PRKCA: variants seen among roughly 807,000 people sequenced by gnomAD.
The protein encoded by PRKCA is protein kinase C alpha type.
Under a neutral mutation model 87.0 loss-of-function variants are expected in PRKCA, and 27 were observed. The ratio of observed to expected loss-of-function variants is 0.31; its 90% CI spans 0.23 to 0.43. The LOEUF (loss-of-function observed/expected upper bound fraction) is 0.43. Ranked by LOEUF, PRKCA falls within the 20% of genes least tolerant of loss-of-function variation. The probability of loss-of-function intolerance (pLI) is 1.00; values close to 1 mark genes in which losing one functional copy is unlikely to be tolerated. For missense variants in PRKCA, 518 were observed against 852.3 expected (o/e 0.61, Z 4.88); for synonymous variants, 329 against 311.1 (o/e 1.06, Z -0.61).
rs150060297 is a variant in PRKCA, at chr17:66,458,358, A to G, written c.206-37843A>G. On this transcript the variant is annotated intron_variant, in intron 2 of 16. Transcript: ENST00000413366. ...AAAAGTCTACAGCTTCCTGGAACAC[A>G]GCCTAGACGCTGGAGTTAAACAAAA... Among the ~76,000 whole-genome samples, 34 of 152,310 alleles carry G rather than the reference A, an allele frequency of 2.2e-4. No individual in the cohort carries two copies. In the East Asian group the frequency reaches 6.2e-3, roughly 28 times the overall value.
At chr17:66,454,040 C>G (rs1423653905) in intron 2 of PRKCA, among the ~76,000 whole-genome samples, 2 of 152,194 alleles carry the variant, frequency 1.3e-5, no homozygotes, top group African/African-American at 4.8e-5. Context: ...TGTCTGGCTT[C>G]TTTCTGAAAA....
At chr17:66,454,089 A>C (rs929088453) in intron 2 of PRKCA, among the ~76,000 whole-genome samples, 2 of 152,218 alleles carry the variant, frequency 1.3e-5, no homozygotes, top group Admixed American at 1.3e-4. Context: ...TTGTGATTTT[A>C]GCAGAATTAA....
At chr17:66,759,906 G>A (rs1009300704) in intron 13 of PRKCA, among the ~76,000 whole-genome samples, 19 of 152,228 alleles carry the variant, frequency 1.2e-4, no homozygotes, top group African/African-American at 4.3e-4. Context: ...GCGTCTGACA[G>A]CAGAGCATTG....
At chr17:66,773,943 T>C (rs1974993141) in intron 13 of PRKCA, 44 bp from the exon 14 acceptor site, 8 of 1,612,528 alleles carry the variant, frequency 5.0e-6, no homozygotes, top group African/African-American at 1.3e-5. Flanking sequence ...ACAGGGGCTA[T>C]TGGACTTACC....
intron 2 of PRKCA, among the ~76,000 whole-genome samples, chr17:66,369,268 C>A: frequency 6.6e-6 from 1 of 152,128 alleles, no homozygotes; most frequent in Non-Finnish European, 1.5e-5. Context: ...TGGTGACTAC[C>A]CCAGCCTAAT....
At chr17:66,357,945 G>GAACTTGGAAGCAGAGA (rs150517155) in intron 2 of PRKCA, among the ~76,000 whole-genome samples, 1,749 of 152,218 alleles carry the variant, frequency 0.011, 34 homozygotes, top group African/African-American at 0.04. Flanking sequence ...TCTTTCTGGT[G>GAACTTGGAAGCAGAGA]AACTTGGAAG....
intron 5 of PRKCA, among the ~76,000 whole-genome samples, chr17:66,681,277 G>C (rs943795530): frequency 2.6e-5 from 4 of 152,138 alleles, no homozygotes; most frequent in African/African-American, 9.7e-5. Flanking sequence ...GGATTGCATT[G>C]ATCTGTTGGA....
intron 13 of PRKCA, among the ~76,000 whole-genome samples, chr17:66,765,389 C>A (rs781388070): frequency 8.6e-6 from 1 of 116,150 alleles, no homozygotes. Context: ...TCACTGCATT[C>A]CGGCCTGGTC....
chr17:66,381,497 G>A (rs932787168), intron 2 of PRKCA, among the ~76,000 whole-genome samples: 3 of 152,170 alleles, frequency 2.0e-5, no homozygotes, highest in Non-Finnish European at 4.4e-5. Flanking sequence ...GCATGAGAGG[G>A]AGGGCCATGA....
rs1366724583 is a variant in PRKCA, at chr17:66,792,174, T to G, written c.1854+3195T>G. On this transcript the variant is annotated intron_variant, in intron 16 of 16. Transcript: ENST00000413366. The surrounding 1 kb of genome is among the most constrained non-coding windows in gnomAD (Gnocchi z 4.5). ...TTTTTAGCAAGCGCTGGTGAGTCAGTTTCCCTGAGACTTGCAGGCTTAAGG... is the reference window on the plus strand; with the variant it reads ...TTTTTAGCAAGCGCTGGTGAGTCAGGTTCCCTGAGACTTGCAGGCTTAAGG... Among the ~76,000 whole-genome samples the G allele has an allele frequency of 1.3e-5, 2 of 152,124 alleles. No individual in the cohort carries two copies. Among genetic ancestry groups the G allele is most frequent in the East Asian group, 3.9e-4 (2 of 5,172 alleles).
chr17:66,324,447 C>CAA (rs61047065), intron 2 of PRKCA, among the ~76,000 whole-genome samples: 16,104 of 90,474 alleles, frequency 0.18, 1,279 homozygotes, highest in South Asian at 0.29. Context: ...ACTAAAAATA[C>CAA]AAAAAAAAAA....
rs546347962 is a variant in PRKCA, at chr17:66,704,170, A to C, written c.918+15123A>C. On this transcript the variant is annotated intron_variant, in intron 8 of 16. Transcript: ENST00000413366. ...AATCTCAGCAAAGTTAAAAAAAAAA[A>C]AAAAACAGGAATAGGTTAAGTTCAG... Among the ~76,000 whole-genome samples the C allele has an allele frequency of 5.9e-5, 9 of 152,272 alleles. 1 individual carries two copies. The South Asian group carries it at 1.5e-3, about 25-fold the overall frequency.
chr17:66,778,126 A>G (rs1471986264), intron 14 of PRKCA: 1 of 985,214 alleles, frequency 1.0e-6, no homozygotes, highest in East Asian at 1.1e-4. Flanking sequence ...AGTTCTGCAA[A>G]CTTTCTGGCC....
At chr17:66,554,626 G>A (rs1343942140) in intron 3 of PRKCA, 1 of 770,294 alleles carries the variant, frequency 1.3e-6, no homozygotes, top group African/African-American at 1.9e-5. Flanking sequence ...TTTTGGTGGG[G>A]GGCACTAGCA....
chr17:66,562,129 TAATTAAATTATATATATA>T (rs1209560556), intron 3 of PRKCA, among the ~76,000 whole-genome samples: 1 of 34,954 alleles, frequency 2.9e-5, no homozygotes, highest in Non-Finnish European at 4.7e-5. Context: ...TAAATATATA[TAATTAAATTATATATATA>T]ATTAAATTAT....
intron 1 of PRKCA, among the ~76,000 whole-genome samples, chr17:66,305,452 G>A (rs1456763159): frequency 2.0e-5 from 3 of 152,162 alleles, no homozygotes; most frequent in Non-Finnish European, 4.4e-5. Flanking sequence ...TGCTTACAGA[G>A]TAAATTCTCT....
chr17:66,720,193 G>A (rs758120544), intron 8 of PRKCA, among the ~76,000 whole-genome samples: 11 of 152,234 alleles, frequency 7.2e-5, no homozygotes, highest in Non-Finnish European at 1.2e-4. Context: ...GAGCCTCGGG[G>A]CTAAAGCATC....
At chr17:66,680,563 G>A (rs1972461700) in intron 5 of PRKCA, among the ~76,000 whole-genome samples, 1 of 152,188 alleles carries the variant, frequency 6.6e-6, no homozygotes, top group Non-Finnish European at 1.5e-5. Flanking sequence ...TGACTTTTAT[G>A]CATTACTAAA....
intron 3 of PRKCA, among the ~76,000 whole-genome samples, chr17:66,534,414 TC>T (rs561709083): frequency 6.5e-4 from 99 of 152,258 alleles, no homozygotes; most frequent in African/African-American, 2.4e-3. Flanking sequence ...AAGCTTGTAA[TC>T]CCAGCACTTT....
Sources: allele counts gnomAD v4.1 joint callset (sites outside exome capture counted in the v4.1 genomes callset), GRCh38; gene constraint gnomAD v4.1.1; non-coding constraint Gnocchi (gnomAD v3.1); transcripts MANE v1.5; gene names NCBI Gene and HGNC (gene_info 2026-07-23, HGNC 2026-07-21).